The following PDLIM3 variants were observed in gnomAD, a reference collection of about 807,000 sequenced individuals.
PDLIM3 encodes the protein PDZ and LIM domain protein 3.
PDLIM3 carries 36 observed loss-of-function variants against 37.3 expected under a neutral mutation model. The ratio of observed to expected loss-of-function variants is 0.97; its 90% CI spans 0.74 to 1.28. The LOEUF is 1.28. PDLIM3 is among the 50% of genes most tolerant of loss of function. PDLIM3 has a pLI of 0.00. For synonymous variants in PDLIM3, 174 were observed against 182.4 expected (o/e 0.95, Z 0.37); for missense variants, 454 against 485.0 (o/e 0.94, Z 0.60).
Position 185,514,437 on chromosome 4 carries a change from C to G in PDLIM3, c.331-100G>C. On this transcript the variant is annotated intron_variant, in intron 3 of 7. Transcript: ENST00000284767. The surrounding 1 kb of genome is among the most constrained non-coding windows in gnomAD (Gnocchi z 4.0). ...GTTGTACAGGGAGGATCATTTACCA[C>G]CAACTACTGTCATAACTAAGAAAGG... 6.2e-7 allele frequency: 1 copy of G among 1,609,248 alleles called. No individual in the cohort carries two copies. The highest frequency in any genetic ancestry group is 1.3e-5 in the African/African-American group (1 of 74,988).
intron 1 of PDLIM3, among the ~76,000 whole-genome samples, chr4:185,527,122 G>T (rs2095735664): frequency 6.6e-6 from 1 of 152,132 alleles, no homozygotes; most frequent in Non-Finnish European, 1.5e-5. Flanking sequence ...AAAAGCATTT[G>T]TCAGAGCTTA....
chr4:185,534,918 CG>C (rs1183490021), intron 1 of PDLIM3, among the ~76,000 whole-genome samples: 2 of 152,206 alleles, frequency 1.3e-5, no homozygotes, highest in African/African-American at 4.8e-5. Context: ...CAGGGAATGC[CG>C]GGGGGTGCCA....
Position 185,502,146 on chromosome 4 carries a change from C to T in PDLIM3, c.*148G>A. ...AGGCATTTGCCTCCCATTCCTTTTC[C>T]TCAATAAACAATAGGATAAAGGTCT... On this transcript the variant is annotated 3_prime_UTR_variant, in exon 8 of 8. Transcript: ENST00000284767. 1.2e-6 allele frequency: 1 copy of T among 840,308 alleles called. No homozygotes were observed. The highest frequency in any genetic ancestry group is 2.0e-6 in the Non-Finnish European group (1 of 506,430). 52.1% of individuals were successfully genotyped at this position (840,308 alleles called of 1,614,324 possible).
At chr4:185,519,082 C>T (rs2095718955) in intron 3 of PDLIM3, among the ~76,000 whole-genome samples, 1 of 152,088 alleles carries the variant, frequency 6.6e-6, no homozygotes, top group Non-Finnish European at 1.5e-5. Context: ...AAGAGCAACA[C>T]TTCGTACTAA....
At chr4:185,508,992 C>T (rs1001451627) in intron 4 of PDLIM3, among the ~76,000 whole-genome samples, 1 of 152,156 alleles carries the variant, frequency 6.6e-6, no homozygotes, top group Admixed American at 6.5e-5. Flanking sequence ...TTCTGAAGTG[C>T]AACATTTAAA....
At chr4:185,513,108 A>T (rs2095709198) in intron 4 of PDLIM3, 5 of 983,852 alleles carry the variant, frequency 5.1e-6, no homozygotes, top group Non-Finnish European at 6.0e-6. Flanking sequence ...TCTCATTTCT[A>T]GGTGCTGGGG....
In PDLIM3 at chr4:185,502,073, CA is replaced by C. The variant is rs1000439760; in HGVS notation, c.*220del. On this transcript the variant is annotated 3_prime_UTR_variant, in exon 8 of 8. Transcript: ENST00000284767. ...CTTTAAATATCATTATTGCTAGCCC[CA>C]AAAAGAGTTGCAAAACATAGCTAAG... 5.1e-6 allele frequency: 3 copies of C among 589,820 alleles called. No individual in the cohort carries two copies. Among genetic ancestry groups the C allele is most frequent in the African/African-American group, 3.7e-5 (2 of 53,872 alleles). 36.5% of individuals were successfully genotyped at this position (589,820 alleles called of 1,614,324 possible). A position where few individuals can be genotyped will look rare whatever the true frequency, so the allele number is the denominator to read the frequency against.
In PDLIM3 at chr4:185,525,186, G is replaced by A; in HGVS notation, c.94-15C>T. On this transcript the variant is annotated splice_polypyrimidine_tract_variant and intron_variant, in intron 1 of 7. Coordinates refer to ENST00000284767, the MANE Select transcript of PDLIM3 (RefSeq NM_014476.6). ...CCTGGTGTAATCTGGAAGAAATCAT[G>A]GCACTATTTAAAAACCAACATCCCG... The A allele has an allele frequency of 6.2e-7, 1 of 1,613,644 alleles. No homozygotes were observed. Among genetic ancestry groups the A allele is most frequent in the Non-Finnish European group, 8.5e-7 (1 of 1,179,850 alleles).
chr4:185,500,699 CT>C lies in PDLIM3; in HGVS notation c.*1594del. 1 of 152,110 alleles carries C rather than the reference CT, an allele frequency of 6.6e-6. No homozygotes were observed. Among genetic ancestry groups the C allele is most frequent in the East Asian group, 1.9e-4 (1 of 5,180 alleles). The allele number at this position is 152,110 out of a possible 1,614,324, so 9.4% of individuals were successfully genotyped here. On this transcript the variant is annotated 3_prime_UTR_variant, in exon 8 of 8. Coordinates refer to ENST00000284767, the MANE Select transcript of PDLIM3 (RefSeq NM_014476.6). ...AAAGTCTGTTTTATTTTTTTAATAGCTTTGTTAGTGAATGCATGTGTTGGCA... is the reference window on the plus strand; with the variant it reads ...AAAGTCTGTTTTATTTTTTTAATAGCTTGTTAGTGAATGCATGTGTTGGCA...
At chr4:185,506,909 C>G (rs1475771125) in intron 5 of PDLIM3, 1 of 430,966 alleles carries the variant, frequency 2.3e-6, no homozygotes, top group African/African-American at 2.0e-5. Flanking sequence ...TGGAAGGAAA[C>G]TAAAAGATAA....
At chr4:185,506,296 G>T in intron 6 of PDLIM3, among the ~76,000 whole-genome samples, 1 of 152,048 alleles carries the variant, frequency 6.6e-6, no homozygotes, top group African/African-American at 2.4e-5. Context: ...ATTTGTCTTT[G>T]GTGTCCTTTT....
At position 185,532,731 on chromosome 4, in the gene PDLIM3, G is replaced by C. The variant is rs3792701; in HGVS notation, c.93+2611C>G. 1.1e-4 allele frequency among the ~76,000 whole-genome samples: 17 copies of C among 152,346 alleles called. No individual in the cohort carries two copies. In the East Asian group the frequency reaches 2.1e-3, roughly 19 times the overall value. On this transcript the variant is annotated intron_variant, in intron 1 of 7. Transcript: ENST00000284767. The stretch of plus-strand genomic sequence containing the variant: ...CGCATTTCACTCTCTACAAACAAGT[G>C]ATGCCGCTGAAGGATTTTTAAGAAT...
chr4:185,524,351 G>A (rs909386711), intron 2 of PDLIM3, among the ~76,000 whole-genome samples: 1 of 152,172 alleles, frequency 6.6e-6, no homozygotes, highest in African/African-American at 2.4e-5. Context: ...AAAACTGTGA[G>A]TACAATCATA....
chr4:185,514,088 T>G lies in PDLIM3; in HGVS notation c.398+182A>C, dbSNP rs897957675. 7 of 1,494,110 alleles carry G rather than the reference T, an allele frequency of 4.7e-6. No homozygotes were observed. The highest frequency in any genetic ancestry group is 6.2e-6 in the Non-Finnish European group (7 of 1,126,022). 92.6% of individuals were successfully genotyped at this position (1,494,110 alleles called of 1,614,324 possible). ...CTGTCATCTTGTCAATATTTACTCT[T>G]GGAAATGCAAGTTATTTGGCTTCTG... On this transcript the variant is annotated intron_variant, in intron 4 of 7. Transcript: ENST00000284767. This position sits in a 1 kb window ranked among gnomAD's most constrained non-coding sequence, Gnocchi z 4.0.
At chr4:185,531,031 G>A (rs2095743624) in intron 1 of PDLIM3, among the ~76,000 whole-genome samples, 2 of 151,328 alleles carry the variant, frequency 1.3e-5, no homozygotes, top group Non-Finnish European at 2.9e-5. Context: ...TATATATAGG[G>A]TTTGGTACTA....
intron 7 of PDLIM3, among the ~76,000 whole-genome samples, chr4:185,503,790 A>T (rs6834462): frequency 0.018 from 2,809 of 152,260 alleles, 88 homozygotes; most frequent in African/African-American, 0.064. Context: ...TCTACCAAAA[A>T]TACAAAAATT....
At position 185,514,464 on chromosome 4, in the gene PDLIM3, G is replaced by A. The variant is rs2095711624; in HGVS notation, c.331-127C>T. 13 of 1,566,004 alleles carry A rather than the reference G, an allele frequency of 8.3e-6. No homozygotes were observed. Among genetic ancestry groups the A allele is most frequent in the Non-Finnish European group, 1.1e-5 (13 of 1,145,434 alleles). Reference sequence around the variant, plus strand: ...AACTACTGTCATAACTAAGAAAGGCGATGACGGGACCAGGACGATGTCTTC... The same window carrying A: ...AACTACTGTCATAACTAAGAAAGGCAATGACGGGACCAGGACGATGTCTTC... On this transcript the variant is annotated intron_variant, in intron 3 of 7. Coordinates refer to ENST00000284767, the MANE Select transcript of PDLIM3 (RefSeq NM_014476.6). The surrounding 1 kb of genome is among the most constrained non-coding windows in gnomAD (Gnocchi z 4.0).
At position 185,502,258 on chromosome 4, in the gene PDLIM3, G is replaced by GGTGGGTGC; in HGVS notation, c.*28_*35dup. The GGTGGGTGC allele has an allele frequency of 6.3e-7, 1 of 1,599,816 alleles. No homozygotes were observed. Among genetic ancestry groups the GGTGGGTGC allele is most frequent in the Non-Finnish European group, 8.6e-7 (1 of 1,167,240 alleles). Reference sequence around the variant, plus strand: ...ATGTCTTCTCGTGTAAGTGCGCGTGGGTGGGTGCGTGCGTGCGTGCCACGC... The same window carrying GGTGGGTGC: ...ATGTCTTCTCGTGTAAGTGCGCGTGGGTGGGTGCGTGGGTGCGTGCGTGCGTGCCACGC... On this transcript the variant is annotated 3_prime_UTR_variant, in exon 8 of 8. Transcript: ENST00000284767.
chr4:185,534,014 G>A (rs1015612694), intron 1 of PDLIM3, among the ~76,000 whole-genome samples: 1 of 152,286 alleles, frequency 6.6e-6, no homozygotes, highest in Non-Finnish European at 1.5e-5. Context: ...GGAATTGCTT[G>A]GCCCAGGTCA....
Sources: allele counts gnomAD v4.1 joint callset (sites outside exome capture counted in the v4.1 genomes callset), GRCh38; gene constraint gnomAD v4.1.1; non-coding constraint Gnocchi (gnomAD v3.1); transcripts MANE v1.5; gene names NCBI Gene and HGNC (gene_info 2026-07-23, HGNC 2026-07-21).